The following PDCD6IP variants were observed in gnomAD, a reference collection of about 807,000 sequenced individuals.
PDCD6IP encodes the protein programmed cell death 6-interacting protein.
PDCD6IP carries 43 observed loss-of-function variants against 103.7 expected under a neutral mutation model. That is an observed-to-expected ratio of 0.41 (90% CI 0.32 to 0.53). The LOEUF is 0.53. PDCD6IP is among the 20% of genes least tolerant of loss of function. The pLI is 0.16. For missense variants in PDCD6IP, 871 were observed against 1,036.7 expected (o/e 0.84, Z 2.20); for synonymous variants, 354 against 378.7 (o/e 0.93, Z 0.76).
intron 14 of PDCD6IP, 184 bp from the exon 15 acceptor site, chr3:33,854,982 C>T: frequency 5.5e-6 from 2 of 366,300 alleles, no homozygotes. Context: ...TTTTTATTTT[C>T]TTTAGGAGTC....
At chr3:33,837,186 C>G (rs1027361701) in intron 8 of PDCD6IP, among the ~76,000 whole-genome samples, 16 of 152,278 alleles carry the variant, frequency 1.1e-4, no homozygotes, top group Non-Finnish European at 1.9e-4. Context: ...TCCCAAAGTG[C>G]TTGGATTACA....
At chr3:33,846,008 G>C (rs114289241) in intron 12 of PDCD6IP, among the ~76,000 whole-genome samples, 102 of 152,268 alleles carry the variant, frequency 6.7e-4, no homozygotes, top group Non-Finnish European at 1.3e-3. Context: ...AGATTGACAA[G>C]GTGTGCATGT....
intron 3 of PDCD6IP, among the ~76,000 whole-genome samples, chr3:33,819,584 A>C (rs12492634): frequency 0.26 from 39,926 of 152,084 alleles, 5,535 homozygotes; most frequent in East Asian, 0.39. Context: ...AGCAAGTTGA[A>C]AACTGGCCTT....
intron 3 of PDCD6IP, among the ~76,000 whole-genome samples, chr3:33,817,489 C>G (rs1461882626): frequency 6.6e-6 from 1 of 152,052 alleles, no homozygotes; most frequent in African/African-American, 2.4e-5. Flanking sequence ...AGTGGTGGCT[C>G]GTGCCTGTAA....
At chr3:33,823,335 G>A (rs1374327448) in intron 4 of PDCD6IP, among the ~76,000 whole-genome samples, 4 of 152,162 alleles carry the variant, frequency 2.6e-5, no homozygotes, top group African/African-American at 9.7e-5. Flanking sequence ...GGGAAGAGGT[G>A]AGTGATGCTG....
In PDCD6IP at chr3:33,865,406, A is replaced by T; in HGVS notation, c.2408A>T (p.Tyr803Phe). 6.3e-7 allele frequency: 1 copy of T among 1,594,632 alleles called. No homozygotes were observed. The highest frequency in any genetic ancestry group is 8.5e-7 in the Non-Finnish European group (1 of 1,171,932). The change falls in exon 17 of 18, where the codon TAT becomes TTT. Residue 803 changes from tyrosine to phenylalanine, a missense_variant. Physicochemically the swap from Tyr to Phe is conservative, Grantham distance 22. Coordinates refer to ENST00000307296, the MANE Select transcript of PDCD6IP (RefSeq NM_013374.6). Reference sequence around the variant, plus strand: ...CCTCCACAGGCGCAGGGACCACCCTATCCCACCTATCCAGGATATCCTGGG... The same window carrying T: ...CCTCCACAGGCGCAGGGACCACCCTTTCCCACCTATCCAGGATATCCTGGG... ...APPPQAQGPP[Y>F]PTYPGYPGYC... is the part of the protein sequence containing the mutation.
At chr3:33,835,968 T>A (rs1697337104) in intron 7 of PDCD6IP, 76 bp from the exon 8 acceptor site, 2 of 868,566 alleles carry the variant, frequency 2.3e-6, no homozygotes, top group Non-Finnish European at 3.6e-6. Context: ...AACCAATGCT[T>A]AAATACTTGG....
chr3:33,844,103 C>G lies in PDCD6IP; in HGVS notation c.1360-9C>G. The G allele has an allele frequency of 6.4e-7, 1 of 1,552,820 alleles. No individual in the cohort carries two copies. Among genetic ancestry groups the G allele is most frequent in the East Asian group, 2.3e-5 (1 of 44,212 alleles). On this transcript the variant is annotated splice_polypyrimidine_tract_variant and intron_variant, in intron 10 of 17. Transcript: ENST00000307296. ...GACATTTCAGGGTTCTTTTTGCTTCCTTTTAAAGTCATTAAGGTTGTTGGA... is the reference window on the plus strand; with the variant it reads ...GACATTTCAGGGTTCTTTTTGCTTCGTTTTAAAGTCATTAAGGTTGTTGGA...
Position 33,836,067 on chromosome 3 carries a change from A to C in PDCD6IP, c.858A>C (p.Thr286=). The change falls in exon 8 of 18, where the codon ACA becomes ACC. Residue 286 remains threonine, a synonymous_variant. Coordinates refer to ENST00000307296, the MANE Select transcript of PDCD6IP (RefSeq NM_013374.6). ...RLQHAAELIK[T]VASRYDEYVN... ...AGCATGCAGCAGAACTGATTAAAAC[A>C]GTGGCATCTCGCTATGATGAATATG... 1.9e-6 allele frequency: 3 copies of C among 1,608,304 alleles called. No homozygotes were observed. The highest frequency in any genetic ancestry group is 2.6e-6 in the Non-Finnish European group (3 of 1,174,804).
chr3:33,814,701 A>G (rs1295701692), intron 3 of PDCD6IP, among the ~76,000 whole-genome samples: 2 of 144,436 alleles, frequency 1.4e-5, no homozygotes, highest in Non-Finnish European at 3.0e-5. Flanking sequence ...TATTATATAT[A>G]TGTATGTATA....
At chr3:33,853,646 G>T (rs1697766598) in intron 13 of PDCD6IP, among the ~76,000 whole-genome samples, 1 of 151,992 alleles carries the variant, frequency 6.6e-6, no homozygotes, top group African/African-American at 2.4e-5. Flanking sequence ...TATACTAATA[G>T]AAATCTGTGA....
chr3:33,801,623 A>AAAAC (rs1696478076), intron 1 of PDCD6IP, among the ~76,000 whole-genome samples: 1 of 152,146 alleles, frequency 6.6e-6, no homozygotes, highest in Admixed American at 6.5e-5. Flanking sequence ...ACGCTGTCTC[A>AAAAC]AAACAAAACA....
rs1698126107 is a variant in PDCD6IP at position 33,868,918 on chromosome 3, C to G, written c.*2393C>G. 6.6e-6 allele frequency: 1 copy of G among 152,198 alleles called. No individual in the cohort carries two copies. The allele number at this position is 152,198 out of a possible 1,614,324, so 9.4% of individuals were successfully genotyped here. ...AAGTATTGATCTAAGAGAACTCTCC[C>G]TGTGCCCCTTGGTCTTTATTCTCAA... is the stretch of plus-strand genomic sequence containing the variant. On this transcript the variant is annotated 3_prime_UTR_variant, in exon 18 of 18. Transcript: ENST00000307296.
Position 33,836,252 on chromosome 3 carries a change from G to A in PDCD6IP, c.1043G>A (p.Ser348Asn). ...VKSTPVNVPI[S>N]QKFTDLFEKM... The stretch of plus-strand genomic sequence containing the variant: ...TCTACCCCGGTCAATGTACCCATCA[G>A]TCAGAAATTTACTGGTATGTCAGTT... Residue 348 changes from serine (S) to asparagine (N), a missense_variant, in exon 8 of 18, where the codon AGT becomes AAT. Around this residue, in one of 5 missense-constraint regions of PDCD6IP, gnomAD observed 242 missense variants for 250.7 expected, o/e 0.97. Coordinates refer to ENST00000307296, the MANE Select transcript of PDCD6IP (RefSeq NM_013374.6). 6.3e-7 allele frequency: 1 copy of A among 1,596,706 alleles called. No individual in the cohort carries two copies. Among genetic ancestry groups the A allele is most frequent in the South Asian group, 1.1e-5 (1 of 90,568 alleles).
At position 33,849,927 on chromosome 3, in the gene PDCD6IP, A is replaced by AT. The variant is rs147987518; in HGVS notation, c.1642-2552dup. Among the ~76,000 whole-genome samples, 7 of 151,434 alleles carry AT rather than the reference A, an allele frequency of 4.6e-5. No individual in the cohort carries two copies. The East Asian group carries it at 5.8e-4, about 13-fold the overall frequency. ...TCATAAATTCGTTGTTTGAAATGGC[A>AT]TTTTTTTTTCCCCAGAAAGTTAGAA... On this transcript the variant is annotated intron_variant, in intron 12 of 17. Transcript: ENST00000307296.
At position 33,866,392 on chromosome 3, in the gene PDCD6IP, C is replaced by G; in HGVS notation, c.2474C>G (p.Ala825Gly). 1 of 1,604,194 alleles carries G rather than the reference C, an allele frequency of 6.2e-7. No homozygotes were observed. Among genetic ancestry groups the G allele is most frequent in the Non-Finnish European group, 8.5e-7 (1 of 1,175,666 alleles). The change falls in exon 18 of 18, where the codon GCG becomes GGG. Residue 825 changes from alanine to glycine, a missense_variant. Ala to Gly is a moderately conservative substitution (Grantham distance 60, BLOSUM62 0). Around this residue, in one of 5 missense-constraint regions of PDCD6IP, gnomAD observed 202 missense variants for 205.2 expected, o/e 0.98. Transcript: ENST00000307296. The stretch of plus-strand genomic sequence containing the variant: ...ATGCCCATGGGCTATAATCCTTATG[C>G]GTATGGCCAGTATAATATGCCATAT... ...MPMPMGYNPY[A>G]YGQYNMPYPP...
chr3:33,809,829 T>G (rs1238034342), intron 1 of PDCD6IP, among the ~76,000 whole-genome samples: 1 of 152,238 alleles, frequency 6.6e-6, no homozygotes, highest in Non-Finnish European at 1.5e-5. Flanking sequence ...ACAGGCTAAT[T>G]ACTTTTTAGA....
intron 3 of PDCD6IP, among the ~76,000 whole-genome samples, chr3:33,815,585 G>T (rs573627243): frequency 1.3e-5 from 2 of 152,162 alleles, no homozygotes; most frequent in African/African-American, 4.8e-5. Context: ...GAGAGATGAT[G>T]AGGTTAGACA....
At chr3:33,837,443 C>T (rs908750555) in intron 8 of PDCD6IP, among the ~76,000 whole-genome samples, 11 of 152,148 alleles carry the variant, frequency 7.2e-5, no homozygotes. Flanking sequence ...CATTTGTTTT[C>T]AGAAGTGCCC....
Sources: allele counts gnomAD v4.1 joint callset (sites outside exome capture counted in the v4.1 genomes callset), GRCh38; gene constraint gnomAD v4.1.1; regional missense constraint gnomAD v4.1.1; transcripts MANE v1.5; gene names NCBI Gene and HGNC (gene_info 2026-07-23, HGNC 2026-07-21).